TNN: variants seen among roughly 807,000 people sequenced by gnomAD.
TNN encodes the protein tenascin-N.
In TNN, 122 loss-of-function variants were observed where a neutral mutation model predicts 134.4. That is an observed-to-expected ratio of 0.91 (90% CI 0.78 to 1.06). The LOEUF (loss-of-function observed/expected upper bound fraction) is 1.06. TNN is among the 50% of genes least tolerant of loss of function. The pLI is 0.00. For missense variants in TNN, 1,739 were observed against 1,699.4 expected (o/e 1.02, Z -0.41); for synonymous variants, 710 against 670.3 (o/e 1.06, Z -0.91).
chr1:175,112,947 G>A (rs1392971004), intron 9 of TNN, among the ~76,000 whole-genome samples: 1 of 152,042 alleles, frequency 6.6e-6, no homozygotes, highest in Non-Finnish European at 1.5e-5. Flanking sequence ...TTTAAGTGGG[G>A]AATTTAATCC....
chr1:175,085,972 G>A (rs1674318775), intron 6 of TNN, among the ~76,000 whole-genome samples: 1 of 151,924 alleles, frequency 6.6e-6, no homozygotes, highest in African/African-American at 2.4e-5. Context: ...GGAAAGGGAA[G>A]CAAACTTTTC....
At chr1:175,083,677 C>A in intron 4 of TNN, 73 bp from the exon 5 acceptor site, 1 of 1,443,758 alleles carries the variant, frequency 6.9e-7, no homozygotes, top group Non-Finnish European at 9.5e-7. Flanking sequence ...ACCTGATAAC[C>A]AACAGCCTGT....
chr1:175,106,568 A>C (rs889114830), intron 9 of TNN, among the ~76,000 whole-genome samples: 2 of 146,270 alleles, frequency 1.4e-5, no homozygotes, highest in Non-Finnish European at 3.0e-5. Context: ...GACAGGTAGC[A>C]ATTTTTAGAA....
intron 18 of TNN, among the ~76,000 whole-genome samples, chr1:175,146,203 T>A (rs991336480): frequency 6.6e-6 from 1 of 152,158 alleles, no homozygotes; most frequent in Non-Finnish European, 1.5e-5. Context: ...GGATAGGAGA[T>A]CAAATATTGG....
At chr1:175,090,847 T>C (rs556959078) in intron 6 of TNN, among the ~76,000 whole-genome samples, 17 of 152,248 alleles carry the variant, frequency 1.1e-4, no homozygotes, top group African/African-American at 4.1e-4. Flanking sequence ...TTACTTTACA[T>C]CTCATTGACC....
chr1:175,097,421 T>TA lies in TNN; in HGVS notation c.1593_1594insA (p.Asp532ArgfsTer9), dbSNP rs759567304. On this transcript the variant is annotated frameshift_variant, in exon 8 of 19. Coordinates refer to ENST00000239462, the MANE Select transcript of TNN (RefSeq NM_022093.2). LOFTEE classifies it high-confidence loss of function. The stretch of plus-strand genomic sequence containing the variant: ...TCTTTCATCTCTCTCTTAAAGAAAT[T>TA]GACAGCCCAGCAAACCTGGTGACTG... The TA allele has an allele frequency of 2.5e-6, 4 of 1,614,184 alleles. No individual in the cohort carries two copies. The highest frequency in any genetic ancestry group is 3.4e-6 in the Non-Finnish European group (4 of 1,180,026).
intron 6 of TNN, among the ~76,000 whole-genome samples, chr1:175,091,564 TTTA>T (rs1674446905): frequency 1.1e-5 from 1 of 89,808 alleles, no homozygotes. Context: ...ATTATTTTTA[TTTA>T]TTTATTTATT....
At chr1:175,070,214 A>G (rs565821219) in intron 1 of TNN, among the ~76,000 whole-genome samples, 118 of 152,366 alleles carry the variant, frequency 7.7e-4, no homozygotes, top group African/African-American at 2.7e-3. Flanking sequence ...GAGATTTTAA[A>G]GTGCTTTGCA....
chr1:175,147,084 G>T lies in TNN; in HGVS notation c.*13G>T. 2 of 1,552,784 alleles carry T rather than the reference G, an allele frequency of 1.3e-6. No individual in the cohort carries two copies. Among genetic ancestry groups the T allele is most frequent in the Non-Finnish European group, 1.7e-6 (2 of 1,145,480 alleles). On this transcript the variant is annotated 3_prime_UTR_variant, in exon 19 of 19. Coordinates refer to ENST00000239462, the MANE Select transcript of TNN (RefSeq NM_022093.2). ...GCGAACGTTCTGATGGCCCGTGTGA[G>T]CAGTCCTCGCAGGAGACACCACCAG...
At chr1:175,120,086 C>T (rs559722980) in intron 11 of TNN, among the ~76,000 whole-genome samples, 4 of 152,230 alleles carry the variant, frequency 2.6e-5, no homozygotes, top group East Asian at 1.9e-4. Flanking sequence ...TAGGTTTGAC[C>T]GAATAGACGC....
At chr1:175,109,896 G>A (rs1000335628) in intron 9 of TNN, among the ~76,000 whole-genome samples, 3 of 151,866 alleles carry the variant, frequency 2.0e-5, no homozygotes, top group African/African-American at 7.3e-5. Context: ...GGATCATATG[G>A]TACATCTATT....
Position 175,136,983 on chromosome 1 carries a change from C to T in TNN, c.3590C>T (p.Thr1197Met), listed in dbSNP as rs750138050. The change falls in exon 17 of 19, where the codon ACG (threonine) becomes ATG (methionine). Residue 1197 changes from threonine to methionine, a missense_variant. Physicochemically the swap from Thr to Met is moderately conservative, Grantham distance 81. Transcript: ENST00000239462. Reference protein sequence around the residue: ...YKLTVGKYRGTAGDALTYHNG... With the variant: ...YKLTVGKYRGMAGDALTYHNG... ...CTGACAGTTGGGAAATACAGAGGCA[C>T]GGCAGGTGAGAAAAAATGTTTTCTT... The T allele has an allele frequency of 5.4e-5, 87 of 1,613,682 alleles. No individual in the cohort carries two copies. Among genetic ancestry groups the T allele is most frequent in the East Asian group, 4.7e-4 (21 of 44,888 alleles).
chr1:175,098,204 G>A, intron 8 of TNN, 128 bp from the exon 9 acceptor site: 5 of 1,334,464 alleles, frequency 3.7e-6, no homozygotes, highest in Middle Eastern at 1.9e-4. Flanking sequence ...TCCCAGCGGA[G>A]ACTCAGGATG....
At chr1:175,083,674 A>G in intron 4 of TNN, 76 bp from the exon 5 acceptor site, 1 of 1,413,234 alleles carries the variant, frequency 7.1e-7, no homozygotes, top group Non-Finnish European at 9.7e-7. Flanking sequence ...CTGACCTGAT[A>G]ACCAACAGCC....
rs375546114 is a variant in TNN at position 175,136,848 on chromosome 1, C to T, written c.3455C>T (p.Thr1152Ile). Residue 1152 changes from threonine (T) to isoleucine (I), a missense_variant, in exon 17 of 19, where the codon ACC (threonine) becomes ATC (isoleucine). Thr to Ile is a moderately conservative substitution (Grantham distance 89, BLOSUM62 -1). Coordinates refer to ENST00000239462, the MANE Select transcript of TNN (RefSeq NM_022093.2). ...LGLDKLHNLT[T>I]GTPARYEVRV... ...CTTGACAAGCTACACAACCTCACCA[C>T]CGGCACTCCAGCGCGGTATGAGGTG... 1.2e-6 allele frequency: 2 copies of T among 1,614,066 alleles called. No homozygotes were observed. The highest frequency in any genetic ancestry group is 2.2e-5 in the East Asian group (1 of 44,882).
intron 1 of TNN, among the ~76,000 whole-genome samples, chr1:175,069,584 T>G (rs1673874371): frequency 6.6e-6 from 1 of 152,218 alleles, no homozygotes; most frequent in Non-Finnish European, 1.5e-5. Flanking sequence ...CAGTGGAAAC[T>G]TTTGTCCATT....
chr1:175,073,310 G>A (rs982791392), intron 1 of TNN, among the ~76,000 whole-genome samples: 1 of 152,102 alleles, frequency 6.6e-6, no homozygotes, highest in Non-Finnish European at 1.5e-5. Context: ...GGAGAATAGC[G>A]TGTGGCTTTT....
At chr1:175,130,946 G>T (rs1384274491) in intron 15 of TNN, among the ~76,000 whole-genome samples, 2 of 152,130 alleles carry the variant, frequency 1.3e-5, no homozygotes, top group Non-Finnish European at 2.9e-5. Flanking sequence ...ATGAACTGAG[G>T]TTCTGCAGGG....
At chr1:175,129,691 C>T (rs531912305) in intron 15 of TNN, among the ~76,000 whole-genome samples, 6 of 151,964 alleles carry the variant, frequency 3.9e-5, no homozygotes, top group Non-Finnish European at 4.4e-5. Flanking sequence ...AAAGAAGTGC[C>T]TGGCCTAAGT....
Sources: allele counts gnomAD v4.1 joint callset (sites outside exome capture counted in the v4.1 genomes callset), GRCh38; gene constraint gnomAD v4.1.1; transcripts MANE v1.5; gene names NCBI Gene and HGNC (gene_info 2026-07-23, HGNC 2026-07-21).